Variants in LTN1 observed in about 807,000 individuals in gnomAD.
LTN1 encodes listerin E3 ubiquitin protein ligase 1, also known as E3 ubiquitin-protein ligase listerin.
Under a neutral mutation model 201.2 loss-of-function variants are expected in LTN1, and 88 were observed. That is an observed-to-expected ratio of 0.44 (90% CI 0.37 to 0.52). The LOEUF is 0.52. Ranked by LOEUF, LTN1 falls within the 20% of genes least tolerant of loss-of-function variation. LTN1 has a pLI of 0.00. For missense variants in LTN1, 1,752 were observed against 2,038.7 expected (o/e 0.86, Z 2.71); for synonymous variants, 645 against 713.5 (o/e 0.90, Z 1.53).
intron 8 of LTN1, among the ~76,000 whole-genome samples, 168 bp from the exon 9 acceptor site, chr21:28,969,769 A>G (rs567611579): frequency 6.6e-6 from 1 of 152,354 alleles, no homozygotes; most frequent in East Asian, 1.9e-4. Context: ...CCCAATGAGA[A>G]TATGAACTTA....
intron 8 of LTN1, 59 bp from the exon 9 acceptor site, chr21:28,969,660 T>G: frequency 7.3e-7 from 1 of 1,370,868 alleles, no homozygotes; most frequent in Non-Finnish European, 9.8e-7. Flanking sequence ...GAACTCAGAA[T>G]TATCAAAATA....
chr21:28,986,198 T>G lies in LTN1; in HGVS notation c.286A>C (p.Thr96Pro). 1 of 1,613,514 alleles carries G rather than the reference T, an allele frequency of 6.2e-7. No individual in the cohort carries two copies. Among genetic ancestry groups the G allele is most frequent in the Non-Finnish European group, 8.5e-7 (1 of 1,179,506 alleles). The change falls in exon 3 of 30, where the codon ACA becomes CCA. Residue 96 changes from threonine (T) to proline (P), a missense_variant. Thr to Pro is a conservative substitution (Grantham distance 38). This residue lies in a region of LTN1 where 280 missense variants were observed against 375.7 expected (regional missense o/e 0.75). Transcript: ENST00000361371. The surrounding 1 kb of genome is among the most constrained non-coding windows in gnomAD (Gnocchi z 4.1). Reference protein sequence around the residue: ...EFGTMCTERDTETVKGVLPYW... With the variant: ...EFGTMCTERDPETVKGVLPYW... ...GGAAGAACTCCTTTCACAGTTTCTG[T>G]GTCTCTCTCTGTACACATGGTTCCA...
intron 13 of LTN1, among the ~76,000 whole-genome samples, chr21:28,958,913 G>T (rs1427676113): frequency 6.6e-6 from 1 of 151,788 alleles, no homozygotes; most frequent in Non-Finnish European, 1.5e-5. Context: ...AAAAAAGAGA[G>T]AGAGAAAGAG....
intron 25 of LTN1, among the ~76,000 whole-genome samples, chr21:28,936,946 C>A (rs1040992891): frequency 1.3e-5 from 2 of 152,174 alleles, no homozygotes; most frequent in Non-Finnish European, 2.9e-5. Context: ...CCTCACTCTC[C>A]TCCCAAGTCT....
intron 10 of LTN1, 132 bp from the exon 11 acceptor site, chr21:28,966,038 G>A (rs2084519430): frequency 1.6e-6 from 1 of 639,156 alleles, no homozygotes; most frequent in Non-Finnish European, 2.7e-6. Context: ...CTCCTGAGTA[G>A]CTGGGACTAC....
At chr21:28,933,632 C>T (rs1279552471) in intron 27 of LTN1, among the ~76,000 whole-genome samples, 2 of 151,544 alleles carry the variant, frequency 1.3e-5, no homozygotes, top group Non-Finnish European at 2.9e-5. Flanking sequence ...GACATTCTCA[C>T]TTCTATGCTT....
intron 1 of LTN1, among the ~76,000 whole-genome samples, chr21:28,990,368 T>C (rs1032298389): frequency 6.6e-6 from 1 of 152,240 alleles, no homozygotes; most frequent in Non-Finnish European, 1.5e-5. Flanking sequence ...CTAATTTCTC[T>C]AAACCTCAGT....
chr21:28,986,432 A>C lies in LTN1; in HGVS notation c.247-195T>G. On this transcript the variant is annotated intron_variant, in intron 2 of 29. Coordinates refer to ENST00000361371, the MANE Select transcript of LTN1 (RefSeq NM_015565.3). The surrounding 1 kb of genome is among the most constrained non-coding windows in gnomAD (Gnocchi z 4.1). The stretch of plus-strand genomic sequence containing the variant: ...CTCTTCAGTTGTTTTTTTAAAAATA[A>C]AACATCTACAAACAAAAAAACCTCA... 1.5e-6 allele frequency: 1 copy of C among 680,592 alleles called. No homozygotes were observed. Among genetic ancestry groups the C allele is most frequent in the Non-Finnish European group, 2.6e-6 (1 of 378,312 alleles). 42.2% of individuals were successfully genotyped at this position (680,592 alleles called of 1,614,324 possible).
In LTN1 at chr21:28,966,689, C is replaced by T. The variant is rs762418618; in HGVS notation, c.1802G>A (p.Ser601Asn). ...EDLVCKLADI[S>N]INYVNERKSE... ...CTTTCGTTCATTGACATAATTAATA[C>T]TTATATCTGCGAGTTTACAGACTAA... is the stretch of plus-strand genomic sequence containing the variant. The change falls in exon 10 of 30, where the codon AGT (serine) becomes AAT (asparagine). Residue 601 changes from serine to asparagine, a missense_variant. Coordinates refer to ENST00000361371, the MANE Select transcript of LTN1 (RefSeq NM_015565.3). 3.7e-6 allele frequency: 6 copies of T among 1,613,942 alleles called. 1 individual carries two copies. The South Asian group carries it at 5.5e-5, about 15-fold the overall frequency.
intron 5 of LTN1, among the ~76,000 whole-genome samples, chr21:28,982,086 G>A (rs2084663171): frequency 6.6e-6 from 1 of 152,064 alleles, no homozygotes; most frequent in Non-Finnish European, 1.5e-5. Flanking sequence ...GTGTAGTGGT[G>A]CATGCCTATA....
chr21:28,987,976 T>C (rs193015689), intron 1 of LTN1, among the ~76,000 whole-genome samples: 56 of 151,972 alleles, frequency 3.7e-4, no homozygotes, highest in Non-Finnish European at 6.0e-4. Flanking sequence ...ACCCCATCTC[T>C]ACCAAAGATA....
At chr21:28,975,998 TC>T (rs1235431448) in intron 6 of LTN1, among the ~76,000 whole-genome samples, 5 of 152,114 alleles carry the variant, frequency 3.3e-5, no homozygotes, top group African/African-American at 1.2e-4. Flanking sequence ...AATGCCTAGC[TC>T]CATTTATATG....
rs921787018 is a variant in LTN1, at chr21:28,977,288, C to T, written c.810+3831G>A. On this transcript the variant is annotated intron_variant, in intron 6 of 29. Coordinates refer to ENST00000361371, the MANE Select transcript of LTN1 (RefSeq NM_015565.3). ...ACTCGAGAGGCTGAGGCAGGAGAATCGCTTGAACCCAGGAGGTGGAGGTTG... is the reference window on the plus strand; with the variant it reads ...ACTCGAGAGGCTGAGGCAGGAGAATTGCTTGAACCCAGGAGGTGGAGGTTG... Among the ~76,000 whole-genome samples, 8 of 145,380 alleles carry T rather than the reference C, an allele frequency of 5.5e-5. No individual in the cohort carries two copies. In the South Asian group the frequency reaches 8.9e-4, roughly 16 times the overall value.
At chr21:28,987,107 C>T (rs575983545) in intron 1 of LTN1, among the ~76,000 whole-genome samples, 173 bp from the exon 2 acceptor site, 2 of 152,156 alleles carry the variant, frequency 1.3e-5, no homozygotes, top group South Asian at 4.1e-4. Flanking sequence ...GTTTTGTTGC[C>T]AAGAATCCAT....
intron 16 of LTN1, among the ~76,000 whole-genome samples, chr21:28,956,035 A>C (rs1426529673): frequency 1.3e-5 from 2 of 152,004 alleles, no homozygotes; most frequent in Non-Finnish European, 2.9e-5. Flanking sequence ...GACAAACATC[A>C]CATGTTCTAA....
At chr21:28,931,036 A>AT in intron 29 of LTN1, 119 bp downstream of exon 29, 1 of 630,490 alleles carries the variant, frequency 1.6e-6, no homozygotes, top group East Asian at 3.0e-5. Flanking sequence ...TTTAACACAC[A>AT]TTTTCTCTTC....
rs1453130280 is a variant in LTN1 at position 28,929,994 on chromosome 21, T to A, written c.*454A>T. ...ATATCAGAATACTAATTTATTGTCA[T>A]AACTAATAAATAAGGCTTAAAATAT... is the stretch of plus-strand genomic sequence containing the variant. On this transcript the variant is annotated 3_prime_UTR_variant, in exon 30 of 30. Coordinates refer to ENST00000361371, the MANE Select transcript of LTN1 (RefSeq NM_015565.3). 1 of 152,482 alleles carries A rather than the reference T, an allele frequency of 6.6e-6. No homozygotes were observed. The highest frequency in any genetic ancestry group is 6.5e-5 in the Admixed American group (1 of 15,276). The allele number at this position is 152,482 out of a possible 1,614,324, so 9.4% of individuals were successfully genotyped here. A position where few individuals can be genotyped will look rare whatever the true frequency, so the allele number is the denominator to read the frequency against.
chr21:28,953,108 C>A, intron 17 of LTN1, 109 bp downstream of exon 17: 2 of 647,902 alleles, frequency 3.1e-6, no homozygotes, highest in South Asian at 2.9e-5. Flanking sequence ...TTATTTAGAT[C>A]AATCCTCTGA....
At chr21:28,936,071 A>G (rs2084254534) in intron 26 of LTN1, among the ~76,000 whole-genome samples, 1 of 152,168 alleles carries the variant, frequency 6.6e-6, no homozygotes, top group African/African-American at 2.4e-5. Flanking sequence ...ACCCAACTCA[A>G]TACTCACAAG....
Sources: gnomAD v4.1 joint callset for allele counts (sites outside exome capture counted in the v4.1 genomes callset) on GRCh38, gnomAD v4.1.1 for gene constraint, gnomAD v4.1.1 regional missense constraint, Gnocchi (gnomAD v3.1) non-coding constraint, MANE v1.5 for transcripts, NCBI Gene and HGNC (gene_info 2026-07-23, HGNC 2026-07-21) for gene names.